Variants in FBXL5 observed in about 807,000 individuals in gnomAD.
FBXL5 encodes the protein F-box/LRR-repeat protein 5.
A neutral mutation model predicts 78.3 loss-of-function variants in FBXL5; 26 were observed. The ratio of observed to expected loss-of-function variants is 0.33; its 90% CI spans 0.24 to 0.46. FBXL5 has a LOEUF of 0.46. FBXL5 is among the 20% of genes least tolerant of loss of function. The pLI, the probability that FBXL5 is intolerant of heterozygous loss-of-function variation, is 1.00. For missense variants in FBXL5, 710 were observed against 829.2 expected, an observed-to-expected ratio of 0.86 and a Z score of 1.77; for synonymous variants, 295 against 282.5, an observed-to-expected ratio of 1.04 and a Z score of -0.45.
chr4:15,680,851 T>A (rs928858062), intron 1 of FBXL5, among the ~76,000 whole-genome samples: 2 of 149,396 alleles, frequency 1.3e-5, no homozygotes, highest in Non-Finnish European at 3.0e-5. Flanking sequence ...AGGTAGAATT[T>A]AAAAAAAAAC....
At position 15,625,352 on chromosome 4, in the gene FBXL5, A is replaced by G; in HGVS notation, c.1750T>C (p.Leu584=). The G allele has an allele frequency of 6.2e-7, 1 of 1,614,220 alleles. No individual in the cohort carries two copies. Among genetic ancestry groups the G allele is most frequent in the African/African-American group, 1.3e-5 (1 of 75,062 alleles). The change falls in exon 9 of 11, where the codon TTA becomes CTA. Residue 584 remains leucine (L), a synonymous_variant. Transcript: ENST00000341285. ...GATTTTTCACTCCCAAAGTAAATTA[A>G]GTCTTTTCCCCTAGGCAATCTAGTC... ...ARTRLPRGKD[L]IYFGSEKSDQ...
intron 5 of FBXL5, among the ~76,000 whole-genome samples, chr4:15,633,462 T>G (rs755725666): frequency 9.9e-5 from 15 of 152,148 alleles, no homozygotes; most frequent in Non-Finnish European, 1.9e-4. Context: ...CAGTCAGCAG[T>G]TCAGAAGTAG....
At chr4:15,679,968 C>G (rs192764210) in intron 1 of FBXL5, among the ~76,000 whole-genome samples, 3 of 152,270 alleles carry the variant, frequency 2.0e-5, no homozygotes, top group Admixed American at 6.5e-5. Flanking sequence ...TTTCTAATAT[C>G]TGAAGACTGG....
chr4:15,630,282 C>T (rs921556597), intron 6 of FBXL5, among the ~76,000 whole-genome samples: 2 of 152,156 alleles, frequency 1.3e-5, no homozygotes, highest in African/African-American at 4.8e-5. Flanking sequence ...AGTAAGTCGA[C>T]TCAACAGTTT....
At chr4:15,680,549 C>T (rs906756206) in intron 1 of FBXL5, among the ~76,000 whole-genome samples, 1 of 151,960 alleles carries the variant, frequency 6.6e-6, no homozygotes, top group Admixed American at 6.6e-5. Context: ...TGGTGGCGGT[C>T]GCCTGTAATC....
At chr4:15,636,067 T>G in intron 5 of FBXL5, among the ~76,000 whole-genome samples, 1 of 152,004 alleles carries the variant, frequency 6.6e-6, no homozygotes, top group Non-Finnish European at 1.5e-5. Context: ...TTATAGAATT[T>G]ATTCTGTATT....
chr4:15,623,655 CAG>C (rs1712707708), intron 9 of FBXL5, among the ~76,000 whole-genome samples: 1 of 152,006 alleles, frequency 6.6e-6, no homozygotes, highest in South Asian at 2.1e-4. Context: ...GAATAAAACT[CAG>C]AATAAAGTTA....
At chr4:15,614,731 T>C (rs867962859) in intron 9 of FBXL5, among the ~76,000 whole-genome samples, 16 of 152,264 alleles carry the variant, frequency 1.1e-4, no homozygotes, top group South Asian at 8.3e-4. Context: ...ACAGGTATTA[T>C]TGAGAGGTGA....
intron 1 of FBXL5, among the ~76,000 whole-genome samples, chr4:15,665,846 G>C (rs531603863): frequency 6.6e-6 from 1 of 152,174 alleles, no homozygotes; most frequent in East Asian, 1.9e-4. Context: ...GTAGGAATCC[G>C]ATGATTAGTG....
At chr4:15,619,866 C>T (rs1362628565) in intron 9 of FBXL5, among the ~76,000 whole-genome samples, 2 of 152,094 alleles carry the variant, frequency 1.3e-5, no homozygotes, top group African/African-American at 4.8e-5. Context: ...TCTCTATTTA[C>T]AGATGATAAG....
At chr4:15,635,109 ATC>A (rs1714109652) in intron 5 of FBXL5, among the ~76,000 whole-genome samples, 1 of 152,158 alleles carries the variant, frequency 6.6e-6, no homozygotes, top group African/African-American at 2.4e-5. Flanking sequence ...AGACGGGTGG[ATC>A]ACCTGAGGTC....
At chr4:15,621,203 T>A (rs1378703506) in intron 9 of FBXL5, among the ~76,000 whole-genome samples, 1 of 152,114 alleles carries the variant, frequency 6.6e-6, no homozygotes, top group Non-Finnish European at 1.5e-5. Flanking sequence ...ACCTTATATG[T>A]AGAAAACCCT....
upstream of FBXL5, chr4:15,656,264 T>C (rs1391322669): frequency 2.2e-6 from 1 of 456,204 alleles, no homozygotes; most frequent in Non-Finnish European, 4.4e-6. Flanking sequence ...ATAAATCGCC[T>C]GGCCCTGGCC....
chr4:15,664,534 A>G (rs1717450831), upstream of FBXL5, among the ~76,000 whole-genome samples: 1 of 148,444 alleles, frequency 6.7e-6, no homozygotes, highest in South Asian at 2.2e-4. Flanking sequence ...TTCCCCCACC[A>G]AAGTGGGCCC....
chr4:15,672,864 G>C (rs907340297), intron 1 of FBXL5, among the ~76,000 whole-genome samples: 1 of 152,002 alleles, frequency 6.6e-6, no homozygotes, highest in African/African-American at 2.4e-5. Flanking sequence ...ATGTTGTACA[G>C]CTGTACAAAA....
At chr4:15,649,856 C>G (rs978681744) in intron 1 of FBXL5, among the ~76,000 whole-genome samples, 1 of 152,062 alleles carries the variant, frequency 6.6e-6, no homozygotes, top group Non-Finnish European at 1.5e-5. Context: ...CAAACAGAGT[C>G]TCAGGAAGAA....
chr4:15,640,886 G>GTAA lies in FBXL5; in HGVS notation c.301-4_301-3insTTA, dbSNP rs756182702. ...TAATTTAACTGTTCATATTCATTCT[G>GTAA]GAAACCAAAAAAAAAATACATTTTT... On this transcript the variant is annotated splice_region_variant and splice_polypyrimidine_tract_variant and intron_variant, in intron 2 of 10. Transcript: ENST00000341285. 2.1e-5 allele frequency: 30 copies of GTAA among 1,400,922 alleles called. No individual in the cohort carries two copies. The African/African-American group carries it at 4.1e-4, about 19-fold the overall frequency. The allele number at this position is 1,400,922 out of a possible 1,614,324, so 86.8% of individuals were successfully genotyped here. A position where few individuals can be genotyped will look rare whatever the true frequency, so the allele number is the denominator to read the frequency against.
chr4:15,633,754 G>A (rs1713934804), intron 5 of FBXL5, among the ~76,000 whole-genome samples: 1 of 152,042 alleles, frequency 6.6e-6, no homozygotes, highest in Non-Finnish European at 1.5e-5. Flanking sequence ...CTCCACACCT[G>A]GCTAATTTAT....
intron 6 of FBXL5, among the ~76,000 whole-genome samples, chr4:15,629,627 T>C (rs542059697): frequency 6.6e-6 from 1 of 152,254 alleles, no homozygotes; most frequent in South Asian, 2.1e-4. Context: ...AGATCCTTCA[T>C]ACCTAAAACA....
Sources: allele counts gnomAD v4.1 joint callset (sites outside exome capture counted in the v4.1 genomes callset), GRCh38; gene constraint gnomAD v4.1.1; transcripts MANE v1.5; gene names NCBI Gene and HGNC (gene_info 2026-07-23, HGNC 2026-07-21).